The following LARGE1 variants were observed in gnomAD, a reference collection of about 807,000 sequenced individuals.
LARGE1 encodes the protein xylosyl- and glucuronyltransferase LARGE1.
In LARGE1, 43 loss-of-function variants were observed where a neutral mutation model predicts 87.6. The observed-to-expected ratio is 0.49, with a 90% confidence interval of 0.38 to 0.63. LARGE1 has a LOEUF of 0.63. Ranked by LOEUF, LARGE1 falls within the 30% of genes least tolerant of loss-of-function variation. LARGE1 has a pLI of 0.00. For missense variants in LARGE1, 802 were observed against 1,000.2 expected (o/e 0.80, Z 2.67); for synonymous variants, 434 against 394.6 (o/e 1.10, Z -1.18).
the LARGE1 span, among the ~76,000 whole-genome samples, chr22:33,127,930 T>C: frequency 6.6e-6 from 1 of 152,254 alleles, no homozygotes; most frequent in African/African-American, 2.4e-5. Context: ...GTTCATCATA[T>C]CTGGAACATT....
intron 11 of LARGE1, among the ~76,000 whole-genome samples, chr22:33,218,060 G>C (rs1206009002): frequency 6.6e-6 from 1 of 151,992 alleles, no homozygotes; most frequent in African/African-American, 2.4e-5. Flanking sequence ...CTCCCAAGCA[G>C]CTGGGATTAC....
intron 9 of LARGE1, among the ~76,000 whole-genome samples, chr22:33,339,105 A>G (rs1252551992): frequency 1.3e-5 from 2 of 150,160 alleles, no homozygotes; most frequent in Non-Finnish European, 1.5e-5. Flanking sequence ...CCGAGATTGC[A>G]CCACTGCACT....
the LARGE1 span, among the ~76,000 whole-genome samples, chr22:33,138,446 T>A: frequency 8.1e-6 from 1 of 123,190 alleles, no homozygotes; most frequent in Non-Finnish European, 1.8e-5. Context: ...ACTTTTATTT[T>A]TTCATTTTTT....
At chr22:33,913,537 G>T (rs1035761754) in intron 1 of LARGE1, among the ~76,000 whole-genome samples, 1 of 151,762 alleles carries the variant, frequency 6.6e-6, no homozygotes, top group Non-Finnish European at 1.5e-5. Flanking sequence ...AGTCTTTGGT[G>T]TTTTTTTTGT....
At chr22:33,839,111 G>A (rs1444068295) in intron 1 of LARGE1, among the ~76,000 whole-genome samples, 2 of 152,204 alleles carry the variant, frequency 1.3e-5, no homozygotes, top group East Asian at 1.9e-4. Context: ...AAAGAAAAGA[G>A]GTTTAACTGG....
At chr22:33,634,631 G>C (rs2080211280) in intron 3 of LARGE1, among the ~76,000 whole-genome samples, 1 of 151,486 alleles carries the variant, frequency 6.6e-6, no homozygotes, top group Non-Finnish European at 1.5e-5. Context: ...AAAATGGAAA[G>C]AGATGAGAAT....
At chr22:33,465,204 G>T (rs898002735) in intron 6 of LARGE1, among the ~76,000 whole-genome samples, 10 of 152,218 alleles carry the variant, frequency 6.6e-5, no homozygotes, top group Admixed American at 1.3e-4. Context: ...AGTCACAGAA[G>T]TATTAATATA....
chr22:33,129,579 G>C, the LARGE1 span, among the ~76,000 whole-genome samples: 1 of 152,026 alleles, frequency 6.6e-6, no homozygotes, highest in South Asian at 2.1e-4. Context: ...AAAAGTCATC[G>C]GTGTTAGTCC....
chr22:33,078,828 C>T, the LARGE1 span, among the ~76,000 whole-genome samples: 1 of 152,218 alleles, frequency 6.6e-6, no homozygotes, highest in Non-Finnish European at 1.5e-5. Flanking sequence ...AAGTAAGTGA[C>T]TGCCTCAAAG....
intron 1 of LARGE1, among the ~76,000 whole-genome samples, chr22:33,815,358 T>C (rs1325437881): frequency 4.6e-5 from 7 of 152,196 alleles, no homozygotes; most frequent in South Asian, 2.1e-4. Context: ...GGCAAAATCA[T>C]TGCTCTTCAT....
At chr22:33,712,479 G>C (rs918340968) in intron 2 of LARGE1, among the ~76,000 whole-genome samples, 3 of 152,076 alleles carry the variant, frequency 2.0e-5, no homozygotes, top group African/African-American at 7.2e-5. Context: ...CCAGCCATGG[G>C]GTAACTAGGT....
chr22:33,858,811 G>T (rs561447302), intron 1 of LARGE1, among the ~76,000 whole-genome samples: 39 of 152,276 alleles, frequency 2.6e-4, no homozygotes, highest in African/African-American at 9.4e-4. Context: ...CCAATGATAA[G>T]CTAGATAAAG....
intron 7 of LARGE1, among the ~76,000 whole-genome samples, chr22:33,431,402 G>A (rs1480150412): frequency 2.0e-5 from 3 of 152,130 alleles, no homozygotes; most frequent in Non-Finnish European, 2.9e-5. Context: ...GGCTAGTAAC[G>A]AGGTAGAATA....
rs1300177927 is a variant in LARGE1 at position 33,257,285 on chromosome 22, C to T, written c.1730+46944G>A. On this transcript the variant is annotated intron_variant, in intron 11 of 11. Coordinates refer to the LARGE1 transcript ENST00000608642. ...CTGTGGCTCATGCCTGTAATCCCAGCACTTTGGGAGGTGGAGGTGGGTGGA... is the reference window on the plus strand; with the variant it reads ...CTGTGGCTCATGCCTGTAATCCCAGTACTTTGGGAGGTGGAGGTGGGTGGA... 2.6e-5 allele frequency among the ~76,000 whole-genome samples: 4 copies of T among 152,246 alleles called. No homozygotes were observed. The East Asian group carries it at 7.7e-4, about 29-fold the overall frequency.
chr22:33,914,198 G>C (rs1349831758), intron 1 of LARGE1, among the ~76,000 whole-genome samples: 1 of 152,088 alleles, frequency 6.6e-6, no homozygotes, highest in Non-Finnish European at 1.5e-5. Context: ...CCTCTTTCTA[G>C]CAACTCACAC....
chr22:33,458,131 G>C (rs1180396413), intron 6 of LARGE1, among the ~76,000 whole-genome samples: 3 of 149,016 alleles, frequency 2.0e-5, no homozygotes, highest in African/African-American at 7.4e-5. Context: ...TTTTGAGATG[G>C]AGTCTCACTC....
the LARGE1 span, among the ~76,000 whole-genome samples, chr22:33,112,202 G>A: frequency 6.6e-6 from 1 of 152,240 alleles, no homozygotes; most frequent in Non-Finnish European, 1.5e-5. Context: ...TCCAGAGGAT[G>A]GGTGGTGGCC....
At chr22:33,592,144 C>T (rs1331754348) in intron 5 of LARGE1, among the ~76,000 whole-genome samples, 2 of 151,182 alleles carry the variant, frequency 1.3e-5, no homozygotes, top group African/African-American at 4.9e-5. Flanking sequence ...AATCTTTGCC[C>T]AACTTGAAGT....
chr22:33,785,410 A>C (rs2085610472), intron 1 of LARGE1, among the ~76,000 whole-genome samples: 1 of 152,072 alleles, frequency 6.6e-6, no homozygotes, highest in South Asian at 2.1e-4. Flanking sequence ...ACGGGTGAAC[A>C]GTATCTCACC....
Sources: gnomAD v4.1 joint callset for allele counts (sites outside exome capture counted in the v4.1 genomes callset) on GRCh38, gnomAD v4.1.1 for gene constraint, MANE v1.5 for transcripts, NCBI Gene and HGNC (gene_info 2026-07-23, HGNC 2026-07-21) for gene names.